SPAG16: variants seen among roughly 807,000 people sequenced by gnomAD.
The protein encoded by SPAG16 is sperm-associated antigen 16 protein.
Under a neutral mutation model 80.4 loss-of-function variants are expected in SPAG16, and 86 were observed. The observed-to-expected ratio is 1.07, with a 90% confidence interval of 0.90 to 1.28. The LOEUF (loss-of-function observed/expected upper bound fraction) is 1.28, where lower values mean the gene tolerates loss of function less well. Among genes scored for constraint, SPAG16 ranks in the 50% most tolerant of loss-of-function variants. The pLI is 0.00. For synonymous variants in SPAG16, 294 were observed against 265.9 expected (o/e 1.11, Z -1.03); for missense variants, 870 against 765.3 (o/e 1.14, Z -1.61).
chr2:214,286,394 C>T (rs992077920), intron 15 of SPAG16, among the ~76,000 whole-genome samples: 3 of 152,110 alleles, frequency 2.0e-5, no homozygotes, highest in African/African-American at 7.2e-5. Flanking sequence ...TAATTTATTT[C>T]TCCAAAATCC....
chr2:214,322,652 A>C (rs1363914981), intron 15 of SPAG16, among the ~76,000 whole-genome samples: 4 of 152,210 alleles, frequency 2.6e-5, no homozygotes, highest in Non-Finnish European at 5.9e-5. Context: ...ATAAGTTTTG[A>C]ATATTTCAAG....
chr2:214,080,694 C>T (rs1475458173), intron 13 of SPAG16, among the ~76,000 whole-genome samples: 2 of 151,700 alleles, frequency 1.3e-5, no homozygotes, highest in Non-Finnish European at 2.9e-5. Flanking sequence ...TTATGAATAA[C>T]TTAGGGTAAC....
intron 5 of SPAG16, among the ~76,000 whole-genome samples, chr2:213,337,919 A>T (rs1273259741): frequency 6.6e-6 from 1 of 152,118 alleles, no homozygotes; most frequent in African/African-American, 2.4e-5. Flanking sequence ...ACACATAATC[A>T]TCAGATTCTC....
intron 10 of SPAG16, among the ~76,000 whole-genome samples, chr2:213,627,974 A>G (rs1238065950): frequency 6.6e-6 from 1 of 152,198 alleles, no homozygotes. Context: ...AAATGTCACT[A>G]TTGAAAACCT....
At chr2:213,925,811 A>G (rs2078444717) in intron 11 of SPAG16, among the ~76,000 whole-genome samples, 1 of 152,242 alleles carries the variant, frequency 6.6e-6, no homozygotes, top group Non-Finnish European at 1.5e-5. Context: ...TGAAGATCAA[A>G]TATATATAAA....
In SPAG16 at chr2:213,750,345, G is replaced by A. The variant is rs534016744; in HGVS notation, c.1071-112140G>A. On this transcript the variant is annotated intron_variant, in intron 10 of 15. Transcript: ENST00000331683. The stretch of plus-strand genomic sequence containing the variant: ...AGTGTAAAATGACAAGAGTTACATC[G>A]AAATATGTATCACAATTTCAAATGA... Among the ~76,000 whole-genome samples, 9 of 152,178 alleles carry A rather than the reference G, an allele frequency of 5.9e-5. No individual in the cohort carries two copies. The South Asian group carries it at 8.3e-4, about 14-fold the overall frequency.
chr2:213,519,740 T>C (rs2075585973), intron 10 of SPAG16, among the ~76,000 whole-genome samples: 1 of 151,854 alleles, frequency 6.6e-6, no homozygotes, highest in Admixed American at 6.6e-5. Context: ...AGTGCCTTTG[T>C]ATGTAATTCT....
intron 10 of SPAG16, among the ~76,000 whole-genome samples, chr2:213,655,468 T>C (rs1459542794): frequency 6.6e-6 from 1 of 152,206 alleles, no homozygotes; most frequent in Non-Finnish European, 1.5e-5. Flanking sequence ...CTCCACTGTT[T>C]TACCTAGTGA....
chr2:214,161,373 T>A (rs10153855), intron 15 of SPAG16, among the ~76,000 whole-genome samples: 1 of 152,126 alleles, frequency 6.6e-6, no homozygotes, highest in African/African-American at 2.4e-5. Flanking sequence ...CTGAGAAACT[T>A]CCACATCATC....
intron 12 of SPAG16, among the ~76,000 whole-genome samples, chr2:213,945,247 A>G (rs1156729898): frequency 6.7e-6 from 1 of 149,126 alleles, no homozygotes; most frequent in African/African-American, 2.5e-5. Context: ...ATATGTGTAT[A>G]TATACAAGTT....
At chr2:213,558,192 C>T (rs141268234) in intron 10 of SPAG16, among the ~76,000 whole-genome samples, 3 of 152,152 alleles carry the variant, frequency 2.0e-5, no homozygotes, top group Non-Finnish European at 4.4e-5. Flanking sequence ...TGAAAATTAG[C>T]CCCATAGCCA....
intron 10 of SPAG16, among the ~76,000 whole-genome samples, chr2:213,724,639 G>A (rs1424471321): frequency 6.6e-6 from 1 of 151,738 alleles, no homozygotes; most frequent in Non-Finnish European, 1.5e-5. Context: ...TTAGCCGGGT[G>A]TGGTGGCGAG....
chr2:214,380,461 G>A (rs1212306069), intron 15 of SPAG16, among the ~76,000 whole-genome samples: 2 of 152,152 alleles, frequency 1.3e-5, no homozygotes, highest in Non-Finnish European at 2.9e-5. Context: ...TTAATAATGA[G>A]TGAGAGTTTT....
At chr2:213,450,165 A>C (rs574430881) in intron 9 of SPAG16, among the ~76,000 whole-genome samples, 9 of 152,244 alleles carry the variant, frequency 5.9e-5, no homozygotes, top group Admixed American at 5.2e-4. Flanking sequence ...TTAGGCAGGC[A>C]TGGTGGTGCA....
intron 1 of SPAG16, chr2:213,285,863 C>A: frequency 7.8e-7 from 1 of 1,286,966 alleles, no homozygotes; most frequent in Non-Finnish European, 1.0e-6. Flanking sequence ...TCTTTAACAA[C>A]GATTTTCATA....
intron 15 of SPAG16, among the ~76,000 whole-genome samples, chr2:214,202,685 C>A (rs2058042770): frequency 6.6e-6 from 1 of 152,058 alleles, no homozygotes; most frequent in Non-Finnish European, 1.5e-5. Flanking sequence ...AGTTGCACTT[C>A]CCATAAAATA....
At chr2:214,267,302 T>C (rs1376044777) in intron 15 of SPAG16, among the ~76,000 whole-genome samples, 1 of 151,796 alleles carries the variant, frequency 6.6e-6, no homozygotes, top group Non-Finnish European at 1.5e-5. Flanking sequence ...ACAGACATAT[T>C]GACCAGTGGA....
intron 1 of SPAG16, 35 bp downstream of exon 1, chr2:213,284,654 G>A (rs1229410746): frequency 6.3e-7 from 1 of 1,594,094 alleles, no homozygotes; most frequent in Admixed American, 1.7e-5. Flanking sequence ...CCGCTGCGCT[G>A]GCGGGTAATG....
chr2:213,353,682 C>T (rs2065464176), intron 7 of SPAG16, among the ~76,000 whole-genome samples: 1 of 152,102 alleles, frequency 6.6e-6, no homozygotes, highest in Non-Finnish European at 1.5e-5. Flanking sequence ...CCTCGTCCCT[C>T]AGGCATCTCG....
Sources: allele counts gnomAD v4.1 joint callset (sites outside exome capture counted in the v4.1 genomes callset), GRCh38; gene constraint gnomAD v4.1.1; transcripts MANE v1.5; gene names NCBI Gene and HGNC (gene_info 2026-07-23, HGNC 2026-07-21).